Variants in COL26A1 observed in about 807,000 individuals in gnomAD.
The protein encoded by COL26A1 is collagen type XXVI alpha 1 chain.
Under a neutral mutation model 59.3 loss-of-function variants are expected in COL26A1, and 41 were observed. The observed-to-expected ratio is 0.69, with a 90% CI of 0.54 to 0.90. The LOEUF is 0.90. Among genes scored for constraint, COL26A1 ranks in the 40% least tolerant of loss-of-function variants. COL26A1 has a pLI of 0.00. For missense variants in COL26A1, 612 were observed against 602.3 expected (o/e 1.02, Z -0.17); for synonymous variants, 266 against 256.0 (o/e 1.04, Z -0.37).
chr7:101,467,343 A>G (rs1453679188), intron 3 of COL26A1, among the ~76,000 whole-genome samples: 1 of 134,650 alleles, frequency 7.4e-6, no homozygotes, highest in Admixed American at 7.4e-5. Flanking sequence ...TTCTGGTTTC[A>G]TGGCGAAATG....
At chr7:101,390,320 G>A (rs1040583670) in intron 1 of COL26A1, among the ~76,000 whole-genome samples, 3 of 151,806 alleles carry the variant, frequency 2.0e-5, no homozygotes, top group African/African-American at 7.3e-5. Context: ...CTGTAATGGG[G>A]TTTCACCGTG....
chr7:101,527,444 C>T (rs573987019), intron 3 of COL26A1, among the ~76,000 whole-genome samples: 6 of 152,164 alleles, frequency 3.9e-5, no homozygotes, highest in Non-Finnish European at 8.8e-5. Flanking sequence ...TCTCCTGCCT[C>T]AGCCTCCCGA....
At chr7:101,531,856 GGGA>G (rs1364392252) in intron 3 of COL26A1, among the ~76,000 whole-genome samples, 4 of 152,128 alleles carry the variant, frequency 2.6e-5, no homozygotes, top group African/African-American at 9.7e-5. Flanking sequence ...AAGAACAAGG[GGGA>G]GGCTGACAGT....
chr7:101,403,622 C>T lies in COL26A1; in HGVS notation c.159-16355C>T, dbSNP rs565711606. On this transcript the variant is annotated intron_variant, in intron 1 of 12. Transcript: ENST00000313669. ...TGAACTCCTGGCCTCAAGTGATGCTCCTGCCTCGACCTCTCAAAGTGCTGG... is the reference window on the plus strand; with the variant it reads ...TGAACTCCTGGCCTCAAGTGATGCTTCTGCCTCGACCTCTCAAAGTGCTGG... 2.0e-5 allele frequency among the ~76,000 whole-genome samples: 3 copies of T among 152,252 alleles called. No individual in the cohort carries two copies. In the East Asian group the frequency reaches 5.8e-4, roughly 29 times the overall value.
At chr7:101,388,594 C>G (rs1402674107) in intron 1 of COL26A1, among the ~76,000 whole-genome samples, 2 of 150,728 alleles carry the variant, frequency 1.3e-5, no homozygotes, top group Non-Finnish European at 3.0e-5. Flanking sequence ...GAGACAGTCT[C>G]ACTCTGTTGC....
At chr7:101,527,306 T>C (rs1194982212) in intron 3 of COL26A1, among the ~76,000 whole-genome samples, 34 of 152,062 alleles carry the variant, frequency 2.2e-4, no homozygotes, top group Non-Finnish European at 8.8e-5. Flanking sequence ...TGTCTCTTTC[T>C]CTTTTCTTTT....
chr7:101,460,319 G>A (rs1271999623), intron 3 of COL26A1, among the ~76,000 whole-genome samples: 4 of 152,116 alleles, frequency 2.6e-5, no homozygotes, highest in Non-Finnish European at 5.9e-5. Context: ...TTCACAGGAG[G>A]TAGAGATCTG....
Position 101,460,282 on chromosome 7 carries a change from T to A in COL26A1, c.385+12495T>A, listed in dbSNP as rs557013948. Among the ~76,000 whole-genome samples the A allele has an allele frequency of 2.0e-5, 3 of 152,206 alleles. No homozygotes were observed. The South Asian group carries it at 6.2e-4, about 32-fold the overall frequency. ...CAATACTGTGAGATAAGGACTTCGC[T>A]AAAGGTACGATTGAGGTGTTGTGAG... On this transcript the variant is annotated intron_variant, in intron 3 of 12. Coordinates refer to ENST00000313669, the MANE Select transcript of COL26A1 (RefSeq NM_001278563.3).
chr7:101,528,804 C>T (rs545458450), intron 3 of COL26A1, among the ~76,000 whole-genome samples: 14 of 152,342 alleles, frequency 9.2e-5, no homozygotes, highest in South Asian at 2.1e-4. Flanking sequence ...CCACCTCAAC[C>T]TCCCAAAGTA....
chr7:101,403,491 C>A (rs963661359), intron 1 of COL26A1, among the ~76,000 whole-genome samples: 10 of 151,976 alleles, frequency 6.6e-5, no homozygotes, highest in Non-Finnish European at 1.5e-4. Flanking sequence ...TGCACTCCAG[C>A]CTGGGAGACA....
chr7:101,435,784 C>T (rs987475869), intron 2 of COL26A1, among the ~76,000 whole-genome samples: 2 of 152,142 alleles, frequency 1.3e-5, no homozygotes, highest in Admixed American at 1.3e-4. Flanking sequence ...CCAGGCCCCT[C>T]GGAGTCCTTT....
At chr7:101,520,663 C>CACACACA (rs57784373) in intron 3 of COL26A1, among the ~76,000 whole-genome samples, 3 of 139,144 alleles carry the variant, frequency 2.2e-5, no homozygotes, top group African/African-American at 6.3e-5. Context: ...CACACACACA[C>CACACACA]CCCCGTGTTC....
At chr7:101,425,390 C>G (rs1047303283) in intron 2 of COL26A1, among the ~76,000 whole-genome samples, 1 of 152,154 alleles carries the variant, frequency 6.6e-6, no homozygotes, top group African/African-American at 2.4e-5. Context: ...AGGTCCGGGA[C>G]TGTCTCATTG....
intron 3 of COL26A1, among the ~76,000 whole-genome samples, chr7:101,457,238 C>T (rs7807485): frequency 0.086 from 13,103 of 151,980 alleles, 643 homozygotes; most frequent in Middle Eastern, 0.13. Flanking sequence ...AGTCAGTTGC[C>T]AGCATGCAAA....
chr7:101,387,778 A>ATATATATATATATATATATATT, intron 1 of COL26A1, among the ~76,000 whole-genome samples: 1 of 84,810 alleles, frequency 1.2e-5, no homozygotes, highest in South Asian at 3.8e-4. Flanking sequence ...ATATATATAT[A>ATATATATATATATATATATATT]TTTTTTTTTA....
At chr7:101,498,586 A>C (rs17135490) in intron 3 of COL26A1, among the ~76,000 whole-genome samples, 27 of 152,288 alleles carry the variant, frequency 1.8e-4, no homozygotes, top group Admixed American at 3.9e-4. Context: ...CTTTCTTTGC[A>C]TGAGAAACAG....
rs1263238902 is a variant in COL26A1, at chr7:101,557,527, G to A, written c.1323G>A (p.Lys441=). 6.2e-7 allele frequency: 1 copy of A among 1,606,062 alleles called. No individual in the cohort carries two copies. The highest frequency in any genetic ancestry group is 8.5e-7 in the Non-Finnish European group (1 of 1,174,486). ...QKSVDQASSR[K] The stretch of plus-strand genomic sequence containing the variant: ...GCGTGGACCAGGCCAGCAGCAGGAA[G>A]TGAGAGCCCACTGCTCCAGGACACC... Residue 441 remains lysine (K), a synonymous_variant, in exon 13 of 13, where the codon AAG becomes AAA. Transcript: ENST00000313669.
At chr7:101,393,308 GC>G (rs1239638682) in intron 1 of COL26A1, among the ~76,000 whole-genome samples, 1 of 152,120 alleles carries the variant, frequency 6.6e-6, no homozygotes, top group Admixed American at 6.6e-5. Context: ...CTCACAATAG[GC>G]CATCTGCAAG....
intron 3 of COL26A1, among the ~76,000 whole-genome samples, chr7:101,485,052 A>G (rs906424911): frequency 4.6e-5 from 7 of 151,822 alleles, no homozygotes; most frequent in Non-Finnish European, 1.0e-4. Context: ...GGGTTTCACT[A>G]TATTGGCCAG....
Sources: allele counts gnomAD v4.1 joint callset (sites outside exome capture counted in the v4.1 genomes callset), GRCh38; gene constraint gnomAD v4.1.1; transcripts MANE v1.5; gene names NCBI Gene and HGNC (gene_info 2026-07-23, HGNC 2026-07-21).